LMX1A: variants seen among roughly 807,000 people sequenced by gnomAD.
The protein encoded by LMX1A is LIM homeobox transcription factor 1-alpha.
LMX1A carries 15 observed loss-of-function variants against 49.1 expected under a neutral mutation model. The ratio of observed to expected loss-of-function variants is 0.31; its 90% CI spans 0.20 to 0.47. The LOEUF is 0.47. Among genes scored for constraint, LMX1A ranks in the 20% least tolerant of loss-of-function variants. The probability of loss-of-function intolerance (pLI) is 1.00; values close to 1 mark genes in which losing one functional copy is unlikely to be tolerated. For missense variants in LMX1A, 372 were observed against 475.8 expected, an observed-to-expected ratio of 0.78 and a Z score of 2.03; for synonymous variants, 167 against 185.7, an observed-to-expected ratio of 0.90 and a Z score of 0.82.
At position 165,202,467 on chromosome 1, in the gene LMX1A, A is replaced by C. The variant is rs536052644; in HGVS notation, c.*1413T>G. On this transcript the variant is annotated 3_prime_UTR_variant, in exon 9 of 9. Coordinates refer to ENST00000342310, the MANE Select transcript of LMX1A (RefSeq NM_177398.4). The stretch of plus-strand genomic sequence containing the variant: ...AGGTTCTTTAGAAACAGACCCTCTA[A>C]AACAAGGGGCCCCAAACTTTTTCTG... 13 of 152,380 alleles carry C rather than the reference A, an allele frequency of 8.5e-5. No homozygotes were observed. The South Asian group carries it at 2.7e-3, about 32-fold the overall frequency. The allele number at this position is 152,380 out of a possible 1,614,324, so 9.4% of individuals were successfully genotyped here. A position where few individuals can be genotyped will look rare whatever the true frequency, so the allele number is the denominator to read the frequency against.
At chr1:165,259,028 C>A (rs1483700222) in intron 3 of LMX1A, among the ~76,000 whole-genome samples, 1 of 152,138 alleles carries the variant, frequency 6.6e-6, no homozygotes, top group African/African-American at 2.4e-5. Flanking sequence ...TAAGTAGTAG[C>A]CATTAACTCC....
intron 3 of LMX1A, among the ~76,000 whole-genome samples, chr1:165,275,726 G>A (rs531024713): frequency 6.6e-6 from 1 of 152,296 alleles, no homozygotes; most frequent in South Asian, 2.1e-4. Flanking sequence ...GGACGAGGCA[G>A]ATGCAAGGGG....
intron 2 of LMX1A, 80 bp from the exon 3 acceptor site, chr1:165,353,342 T>C: frequency 9.0e-7 from 1 of 1,114,932 alleles, no homozygotes; most frequent in Non-Finnish European, 1.3e-6. Flanking sequence ...CCGCTCCTGA[T>C]CCCTTCACAT....
At chr1:165,310,319 G>C (rs1041789757) in intron 3 of LMX1A, among the ~76,000 whole-genome samples, 3 of 152,226 alleles carry the variant, frequency 2.0e-5, no homozygotes, top group Admixed American at 1.3e-4. Context: ...TTACCAGGCA[G>C]GAAGATTTGA....
chr1:165,339,360 G>A (rs1289997615), intron 3 of LMX1A, among the ~76,000 whole-genome samples: 11 of 152,206 alleles, frequency 7.2e-5, no homozygotes, highest in Non-Finnish European at 1.2e-4. Flanking sequence ...ACAGGCATGT[G>A]CATAGGCACA....
At chr1:165,223,580 G>A (rs563614020) in intron 4 of LMX1A, among the ~76,000 whole-genome samples, 4 of 152,358 alleles carry the variant, frequency 2.6e-5, no homozygotes, top group African/African-American at 9.6e-5. Context: ...TAAATTCACA[G>A]TTCTGTGCTA....
At position 165,297,256 on chromosome 1, in the gene LMX1A, C is replaced by A. The variant is rs539874136; in HGVS notation, c.264-47616G>T. On this transcript the variant is annotated intron_variant, in intron 3 of 8. Transcript: ENST00000342310. ...AGAAATTAAAATAAAGGCTGTCTAC[C>A]CTAGCAGCACATTAGAATAACCAGG... Among the ~76,000 whole-genome samples the A allele has an allele frequency of 7.2e-5, 11 of 152,314 alleles. No individual in the cohort carries two copies. In the South Asian group the frequency reaches 2.1e-3, roughly 29 times the overall value.
At chr1:165,285,683 T>C (rs183624307) in intron 3 of LMX1A, among the ~76,000 whole-genome samples, 106 of 152,306 alleles carry the variant, frequency 7.0e-4, no homozygotes, top group Non-Finnish European at 1.2e-3. Flanking sequence ...GACTAGGGCT[T>C]AGGCTAGAAG....
At chr1:165,339,612 T>A (rs933363103) in intron 3 of LMX1A, among the ~76,000 whole-genome samples, 1 of 152,176 alleles carries the variant, frequency 6.6e-6, no homozygotes, top group Non-Finnish European at 1.5e-5. Flanking sequence ...GCAAAGCAGC[T>A]CTGTGAGAAG....
chr1:165,229,913 T>G (rs1652181262), intron 4 of LMX1A, among the ~76,000 whole-genome samples: 1 of 152,210 alleles, frequency 6.6e-6, no homozygotes, highest in South Asian at 2.1e-4. Flanking sequence ...TGAAGGTTTG[T>G]GTCTCCCTGA....
chr1:165,268,117 G>C (rs566584747), intron 3 of LMX1A, among the ~76,000 whole-genome samples: 1 of 152,046 alleles, frequency 6.6e-6, no homozygotes, highest in African/African-American at 2.4e-5. Context: ...GGGGAACTAG[G>C]GCACTTGTGG....
chr1:165,287,416 A>T (rs1654331038), intron 3 of LMX1A, among the ~76,000 whole-genome samples: 1 of 152,226 alleles, frequency 6.6e-6, no homozygotes, highest in Admixed American at 6.5e-5. Flanking sequence ...GCCCAGATTC[A>T]AGAAGTAATT....
chr1:165,337,888 C>CTGTGTGTG (rs6143463), intron 3 of LMX1A, among the ~76,000 whole-genome samples: 6,928 of 146,332 alleles, frequency 0.047, 162 homozygotes, highest in Middle Eastern at 0.059. Context: ...GTGTGTGTTT[C>CTGTGTGTG]TGTGTGTGTG....
intron 3 of LMX1A, among the ~76,000 whole-genome samples, chr1:165,291,929 G>A (rs1400308617): frequency 6.6e-6 from 1 of 151,984 alleles, no homozygotes; most frequent in Non-Finnish European, 1.5e-5. Context: ...GGGCATGGTG[G>A]CGCGCGCTTG....
intron 5 of LMX1A, among the ~76,000 whole-genome samples, chr1:165,211,957 C>A (rs1651417499): frequency 6.6e-6 from 1 of 152,162 alleles, no homozygotes; most frequent in South Asian, 2.1e-4. Context: ...GACAAGCACC[C>A]AGCACAAAGC....
intron 3 of LMX1A, among the ~76,000 whole-genome samples, chr1:165,292,603 T>A (rs1654505811): frequency 6.6e-6 from 1 of 152,228 alleles, no homozygotes; most frequent in South Asian, 2.1e-4. Context: ...GTTTGTACAT[T>A]AAAATGCCTG....
chr1:165,241,117 A>G (rs1256331090), intron 4 of LMX1A, among the ~76,000 whole-genome samples: 2 of 152,146 alleles, frequency 1.3e-5, no homozygotes, highest in Admixed American at 1.3e-4. Context: ...ATGTTCAGAA[A>G]CCAGAGAGTG....
intron 4 of LMX1A, among the ~76,000 whole-genome samples, chr1:165,221,344 G>A (rs1275895018): frequency 6.6e-6 from 1 of 152,040 alleles, no homozygotes; most frequent in Non-Finnish European, 1.5e-5. Flanking sequence ...TACAAAAGGG[G>A]CAGAGCTTAT....
At chr1:165,299,810 C>G (rs1466032309) in intron 3 of LMX1A, among the ~76,000 whole-genome samples, 1 of 146,820 alleles carries the variant, frequency 6.8e-6, no homozygotes, top group Non-Finnish European at 1.5e-5. Context: ...ATTTTAGTAA[C>G]TATACTGTAC....
Sources: allele counts gnomAD v4.1 joint callset (sites outside exome capture counted in the v4.1 genomes callset), GRCh38; gene constraint gnomAD v4.1.1; transcripts MANE v1.5; gene names NCBI Gene and HGNC (gene_info 2026-07-23, HGNC 2026-07-21).